Variants in ADAM28 observed in about 807,000 individuals in gnomAD.
ADAM28 encodes disintegrin and metalloproteinase domain-containing protein 28.
Under a neutral mutation model 101.2 loss-of-function variants are expected in ADAM28, and 105 were observed. The ratio of observed to expected loss-of-function variants is 1.04; its 90% CI spans 0.89 to 1.22. The LOEUF is 1.22. Among genes scored for constraint, ADAM28 ranks in the 50% most tolerant of loss-of-function variants. ADAM28 has a pLI of 0.00. For synonymous variants in ADAM28, 322 were observed against 310.6 expected (o/e 1.04, Z -0.39); for missense variants, 1,028 against 945.4 (o/e 1.09, Z -1.15).
intron 1 of ADAM28, among the ~76,000 whole-genome samples, chr8:24,296,954 A>G (rs914342604): frequency 3.9e-5 from 6 of 152,138 alleles, no homozygotes; most frequent in African/African-American, 1.4e-4. Flanking sequence ...CATCCCTACA[A>G]TGGCTGTGTA....
intron 13 of ADAM28, among the ~76,000 whole-genome samples, chr8:24,333,155 A>C (rs78842737): frequency 0.014 from 2,167 of 152,302 alleles, 55 homozygotes; most frequent in African/African-American, 0.049. Flanking sequence ...GGTGTTTACC[A>C]AGGGCAAGGA....
In ADAM28 at chr8:24,337,458, G is replaced by A. The variant is rs181113499; in HGVS notation, c.1567+1817G>A. ...GTCCGACTTTATGATTAGTCTCCTCGGCAAATCTGTAAACTTCCTGGAACA... is the reference window on the plus strand; with the variant it reads ...GTCCGACTTTATGATTAGTCTCCTCAGCAAATCTGTAAACTTCCTGGAACA... On this transcript the variant is annotated intron_variant, in intron 14 of 22. Coordinates refer to ENST00000265769, the MANE Select transcript of ADAM28 (RefSeq NM_014265.6). Among the ~76,000 whole-genome samples, 577 of 152,202 alleles carry A rather than the reference G, an allele frequency of 3.8e-3. 5 individuals carry two copies. The highest frequency in any genetic ancestry group is 0.024 in the Middle Eastern group (7 of 294).
chr8:24,299,847 T>C, intron 1 of ADAM28, 127 bp from the exon 2 acceptor site: 1 of 656,076 alleles, frequency 1.5e-6, no homozygotes, highest in Non-Finnish European at 2.6e-6. Context: ...CATTAATCAC[T>C]CTGACATTCA....
At chr8:24,315,987 T>C (rs1811107643) in intron 6 of ADAM28, among the ~76,000 whole-genome samples, 1 of 151,926 alleles carries the variant, frequency 6.6e-6, no homozygotes, top group East Asian at 1.9e-4. Flanking sequence ...GGTAGTTAAA[T>C]AATGGTGTGG....
At chr8:24,354,324 A>G (rs1030342754) in intron 22 of ADAM28, 60 bp from the exon 23 acceptor site, 4 of 1,388,974 alleles carry the variant, frequency 2.9e-6, no homozygotes, top group Non-Finnish European at 3.0e-6. Flanking sequence ...TCAGCTTCAT[A>G]ATAGTAAATA....
intron 6 of ADAM28, 137 bp from the exon 7 acceptor site, chr8:24,320,099 T>C (rs541231400): frequency 1.8e-5 from 11 of 623,508 alleles, no homozygotes; most frequent in African/African-American, 5.8e-5. Context: ...GTCGGTTGAA[T>C]TGGTGTTAAA....
rs138123831 is a variant in ADAM28, at chr8:24,341,647, C to T, written c.1720C>T (p.Pro574Ser). 7.4e-6 allele frequency: 12 copies of T among 1,613,580 alleles called. No individual in the cohort carries two copies. In the African/African-American group the frequency reaches 1.1e-4, roughly 14 times the overall value. Residue 574 changes from proline (P) to serine (S), a missense_variant, in exon 16 of 23, where the codon CCC becomes TCC. Coordinates refer to ENST00000265769, the MANE Select transcript of ADAM28 (RefSeq NM_014265.6). ...LFCQGGSDNLPWKGRIVTFLT... is the reference protein window; with the variant it reads ...LFCQGGSDNLSWKGRIVTFLT... ...CTGTCAAGGTGGGTCGGATAATTTG[C>T]CCTGGAAAGGACGGATAGTGACTTT...
At chr8:24,343,385 T>C (rs1815022479) in intron 17 of ADAM28, 121 bp from the exon 18 acceptor site, 21 of 1,113,506 alleles carry the variant, frequency 1.9e-5, no homozygotes, top group Non-Finnish European at 2.6e-5. Flanking sequence ...TTTTTGTAGA[T>C]AGATGGAAGC....
At chr8:24,304,395 A>G (rs550368626) in intron 2 of ADAM28, among the ~76,000 whole-genome samples, 13 of 151,990 alleles carry the variant, frequency 8.6e-5, no homozygotes, top group Non-Finnish European at 1.9e-4. Flanking sequence ...AGCTGAATTC[A>G]GAGGATTAGT....
Position 24,320,274 on chromosome 8 carries a change from C to A in ADAM28, c.615C>A (p.Tyr205Ter), listed in dbSNP as rs758476151. The A allele has an allele frequency of 5.6e-6, 9 of 1,603,040 alleles. No homozygotes were observed. The African/African-American group carries it at 1.1e-4, about 19-fold the overall frequency. The change falls in exon 7 of 23, where the codon TAC (tyrosine) becomes TAA (stop). Residue 205 changes from tyrosine (Y) to a stop codon, truncating the protein, a stop_gained. Transcript: ENST00000265769. LOFTEE classifies it high-confidence loss of function. ...GGAAGGTTCAGGAACATGAGAAATA[C>A]ATAGAATATTATTTGGTCCTGGATA... ...KDRKVQEHEK[Y>*]IEYYLVLDNG...
At chr8:24,294,600 C>A (rs184924766) in intron 1 of ADAM28, among the ~76,000 whole-genome samples, 1 of 152,218 alleles carries the variant, frequency 6.6e-6, no homozygotes, top group African/African-American at 2.4e-5. Flanking sequence ...TAGGAAAATA[C>A]CTACTATTAT....
At chr8:24,315,989 A>G (rs536493711) in intron 6 of ADAM28, among the ~76,000 whole-genome samples, 7 of 152,048 alleles carry the variant, frequency 4.6e-5, no homozygotes, top group African/African-American at 1.7e-4. Flanking sequence ...TAGTTAAATA[A>G]TGGTGTGGAG....
At chr8:24,348,728 TCTTCACCTGCAAAC>T (rs774737770) in intron 18 of ADAM28, among the ~76,000 whole-genome samples, 104 of 152,310 alleles carry the variant, frequency 6.8e-4, no homozygotes, top group South Asian at 1.0e-3. Context: ...GTGATTTCTA[TCTTCACCTGCAAAC>T]CTTCCGTTGT....
At chr8:24,315,022 G>A (rs116601584) in intron 6 of ADAM28, among the ~76,000 whole-genome samples, 101 of 151,094 alleles carry the variant, frequency 6.7e-4, no homozygotes, top group African/African-American at 2.4e-3. Flanking sequence ...ATAAACAAGG[G>A]AGGAAGAAAT....
intron 6 of ADAM28, among the ~76,000 whole-genome samples, chr8:24,319,788 C>G (rs191369929): frequency 7.9e-4 from 120 of 151,826 alleles, no homozygotes; most frequent in Non-Finnish European, 1.4e-3. Flanking sequence ...AATGGTGTCT[C>G]TGCATTGCAC....
At chr8:24,352,708 A>G (rs985458511) in intron 21 of ADAM28, among the ~76,000 whole-genome samples, 5 of 152,144 alleles carry the variant, frequency 3.3e-5, no homozygotes, top group African/African-American at 1.2e-4. Context: ...GTGTATGTAC[A>G]ACTAAATGAA....
intron 18 of ADAM28, chr8:24,347,103 T>C (rs1289650560): frequency 6.6e-6 from 1 of 152,102 alleles, no homozygotes; most frequent in East Asian, 1.9e-4. Flanking sequence ...TCATCCATTC[T>C]AGTGATTGGA....
intron 2 of ADAM28, among the ~76,000 whole-genome samples, chr8:24,300,306 T>C (rs778993033): frequency 1.1e-4 from 17 of 152,228 alleles, no homozygotes; most frequent in Non-Finnish European, 1.6e-4. Flanking sequence ...TTTGACCTTT[T>C]AAAAAATCTT....
chr8:24,300,073 A>T lies in ADAM28; in HGVS notation c.146A>T (p.Gln49Leu). 6.2e-7 allele frequency: 1 copy of T among 1,612,760 alleles called. No homozygotes were observed. Among genetic ancestry groups the T allele is most frequent in the Non-Finnish European group, 8.5e-7 (1 of 1,179,436 alleles). ...AAAAGAGAGGCCAAAGAGCCAGAGC[A>T]ACAGGTACAGCTTTTGATTTATCAA... ...LHKREAKEPE[Q>L]QEQFETELKY... Residue 49 changes from glutamine to leucine, a missense_variant, in exon 2 of 23, where the codon CAA (glutamine) becomes CTA (leucine). Coordinates refer to ENST00000265769, the MANE Select transcript of ADAM28 (RefSeq NM_014265.6).
Sources: allele counts gnomAD v4.1 joint callset (sites outside exome capture counted in the v4.1 genomes callset), GRCh38; gene constraint gnomAD v4.1.1; transcripts MANE v1.5; gene names NCBI Gene and HGNC (gene_info 2026-07-23, HGNC 2026-07-21).